Variants in CCDC85A observed in about 807,000 individuals in gnomAD.
CCDC85A encodes the protein coiled-coil domain containing 85A.
A neutral mutation model predicts 50.2 loss-of-function variants in CCDC85A; 38 were observed. The ratio of observed to expected loss-of-function variants is 0.76; its 90% CI spans 0.58 to 0.99. The LOEUF (loss-of-function observed/expected upper bound fraction) is 0.99, where lower values mean the gene tolerates loss of function less well. Among genes scored for constraint, CCDC85A ranks in the 50% least tolerant of loss-of-function variants. The pLI, the probability that CCDC85A is intolerant of heterozygous loss-of-function variation, is 0.00. For synonymous variants in CCDC85A, 366 were observed against 301.4 expected (o/e 1.21, Z -2.22); for missense variants, 820 against 742.0 (o/e 1.11, Z -1.22).
rs531523515 is a variant in CCDC85A, at chr2:56,273,363, T to G, written c.1241-69516T>G. 2.4e-3 allele frequency among the ~76,000 whole-genome samples: 368 copies of G among 152,140 alleles called. 5 individuals carry two copies. Among genetic ancestry groups the G allele is most frequent in the Non-Finnish European group, 4.3e-3 (293 of 67,994 alleles). ...CCTCAGTATATGGGAGGGGAAAGCC[T>G]AGCTCAAGGAAAACCATTGCAGTAT... On this transcript the variant is annotated intron_variant, in intron 2 of 5. Transcript: ENST00000407595.
At chr2:56,248,199 G>T (rs1309569339) in intron 2 of CCDC85A, among the ~76,000 whole-genome samples, 1 of 152,236 alleles carries the variant, frequency 6.6e-6, no homozygotes, top group Non-Finnish European at 1.5e-5. Context: ...ATTGGCGCTA[G>T]AGAAAGAATA....
At chr2:56,278,155 T>A (rs1342167308) in intron 2 of CCDC85A, among the ~76,000 whole-genome samples, 1 of 152,174 alleles carries the variant, frequency 6.6e-6, no homozygotes, top group East Asian at 1.9e-4. Flanking sequence ...GTCTTTAGTG[T>A]CTTTCCCCCA....
intron 2 of CCDC85A, among the ~76,000 whole-genome samples, chr2:56,287,532 G>A (rs551593859): frequency 6.6e-6 from 1 of 152,288 alleles, no homozygotes; most frequent in South Asian, 2.1e-4. Context: ...TATGGCAGGA[G>A]GACAGACAGA....
intron 2 of CCDC85A, among the ~76,000 whole-genome samples, chr2:56,304,786 C>A (rs534296366): frequency 6.6e-6 from 1 of 151,950 alleles, no homozygotes; most frequent in South Asian, 2.1e-4. Context: ...CAGCGGCTCA[C>A]ACCTGCAATC....
intron 3 of CCDC85A, among the ~76,000 whole-genome samples, chr2:56,370,731 A>G (rs1233110709): frequency 7.2e-5 from 11 of 152,098 alleles, no homozygotes; most frequent in Non-Finnish European, 1.5e-4. Context: ...ATCCTACCTT[A>G]GATTTCATGG....
chr2:56,203,786 C>A (rs1676843734), intron 2 of CCDC85A, among the ~76,000 whole-genome samples: 1 of 151,918 alleles, frequency 6.6e-6, no homozygotes, highest in Non-Finnish European at 1.5e-5. Context: ...TTTTATAAAC[C>A]CCCTTTAGAT....
chr2:56,283,751 C>G (rs1270574272), intron 2 of CCDC85A, among the ~76,000 whole-genome samples: 3 of 151,986 alleles, frequency 2.0e-5, no homozygotes, highest in Non-Finnish European at 2.9e-5. Flanking sequence ...TCTGACATTT[C>G]CAATTTGTAT....
intron 2 of CCDC85A, among the ~76,000 whole-genome samples, chr2:56,329,006 C>T (rs931775681): frequency 1.3e-5 from 2 of 152,148 alleles, no homozygotes; most frequent in African/African-American, 4.8e-5. Context: ...GCTCCTCCTG[C>T]AAGCAGTACA....
chr2:56,238,190 C>A (rs1356136526), intron 2 of CCDC85A, among the ~76,000 whole-genome samples: 1 of 151,954 alleles, frequency 6.6e-6, no homozygotes, highest in African/African-American at 2.4e-5. Flanking sequence ...CCGAGGTGGG[C>A]GGATCACCTG....
At chr2:56,288,951 C>A (rs913533489) in intron 2 of CCDC85A, among the ~76,000 whole-genome samples, 3 of 152,154 alleles carry the variant, frequency 2.0e-5, no homozygotes, top group Admixed American at 6.5e-5. Context: ...CCTTATGACC[C>A]TTTAGTTGCT....
chr2:56,357,797 C>T (rs980547914), intron 3 of CCDC85A, among the ~76,000 whole-genome samples: 2 of 151,752 alleles, frequency 1.3e-5, no homozygotes, highest in Non-Finnish European at 2.9e-5. Context: ...ACAGTTGGAT[C>T]TGACTCAGGT....
At chr2:56,219,313 A>G (rs1668220700) in intron 2 of CCDC85A, among the ~76,000 whole-genome samples, 1 of 150,658 alleles carries the variant, frequency 6.6e-6, no homozygotes. Flanking sequence ...TCTACCAGAA[A>G]TATGAAGAAA....
At chr2:56,215,063 G>A (rs184544488) in intron 2 of CCDC85A, among the ~76,000 whole-genome samples, 21 of 151,970 alleles carry the variant, frequency 1.4e-4, no homozygotes, top group African/African-American at 4.6e-4. Flanking sequence ...TCAGAGTTTT[G>A]TAGTTTAGCA....
At chr2:56,276,858 A>G (rs1670970281) in intron 2 of CCDC85A, among the ~76,000 whole-genome samples, 1 of 152,140 alleles carries the variant, frequency 6.6e-6, no homozygotes, top group Admixed American at 6.5e-5. Flanking sequence ...CTGGATTGCA[A>G]ATGCAAACCA....
chr2:56,353,698 C>T (rs752158705), intron 3 of CCDC85A, among the ~76,000 whole-genome samples: 23 of 152,228 alleles, frequency 1.5e-4, no homozygotes, highest in Non-Finnish European at 2.6e-4. Context: ...GAATGCAGAG[C>T]TCTTTGCACT....
At chr2:56,251,346 A>C (rs756280278) in intron 2 of CCDC85A, among the ~76,000 whole-genome samples, 7 of 152,178 alleles carry the variant, frequency 4.6e-5, no homozygotes, top group Admixed American at 2.0e-4. Flanking sequence ...TGTTGGGCCC[A>C]TATGAGTGGA....
chr2:56,353,681 G>A (rs989113272), intron 3 of CCDC85A, among the ~76,000 whole-genome samples: 9 of 152,324 alleles, frequency 5.9e-5, no homozygotes, highest in Middle Eastern at 3.4e-3. Context: ...GCAGGTCATC[G>A]CCCAGTGAAT....
At chr2:56,229,195 C>G (rs899032723) in intron 2 of CCDC85A, among the ~76,000 whole-genome samples, 1 of 152,142 alleles carries the variant, frequency 6.6e-6, no homozygotes, top group Admixed American at 6.6e-5. Context: ...TGGGTATATC[C>G]AAAGCTTCAT....
At chr2:56,379,732 CT>C in intron 5 of CCDC85A, 1 of 943,006 alleles carries the variant, frequency 1.1e-6, no homozygotes, top group Non-Finnish European at 1.3e-6. Flanking sequence ...ATTTGCTTTT[CT>C]TTTTCAACAA....
Sources: gnomAD v4.1 joint callset for allele counts (sites outside exome capture counted in the v4.1 genomes callset) on GRCh38, gnomAD v4.1.1 for gene constraint, MANE v1.5 for transcripts, NCBI Gene and HGNC (gene_info 2026-07-23, HGNC 2026-07-21) for gene names.